The following NAALADL2 variants were observed in gnomAD, a reference collection of about 807,000 sequenced individuals.
The protein encoded by NAALADL2 is N-acetylated alpha-linked acidic dipeptidase like 2, also known as inactive N-acetylated-alpha-linked acidic dipeptidase-like protein 2.
A neutral mutation model predicts 87.2 loss-of-function variants in NAALADL2; 76 were observed. That is an observed-to-expected ratio of 0.87 (90% CI 0.72 to 1.05). NAALADL2 has a LOEUF of 1.05. Ranked by LOEUF, NAALADL2 falls within the 50% of genes least tolerant of loss-of-function variation. The pLI, the probability that NAALADL2 is intolerant of heterozygous loss-of-function variation, is 0.00. For synonymous variants in NAALADL2, 354 were observed against 331.0 expected (o/e 1.07, Z -0.75); for missense variants, 1,089 against 945.8 (o/e 1.15, Z -1.99).
chr3:175,555,090 A>C (rs2149498659), intron 9 of NAALADL2, among the ~76,000 whole-genome samples: 2 of 152,322 alleles, frequency 1.3e-5, no homozygotes, highest in Middle Eastern at 3.4e-3. Context: ...CTATGAGCCA[A>C]GACCCTATCT....
At chr3:175,545,997 A>C (rs941788006) in intron 9 of NAALADL2, among the ~76,000 whole-genome samples, 1 of 152,172 alleles carries the variant, frequency 6.6e-6, no homozygotes, top group African/African-American at 2.4e-5. Context: ...TGGTATTTTG[A>C]TAAGGTAAAT....
chr3:175,633,073 C>T (rs1728022520), intron 11 of NAALADL2, among the ~76,000 whole-genome samples: 1 of 151,890 alleles, frequency 6.6e-6, no homozygotes, highest in Non-Finnish European at 1.5e-5. Flanking sequence ...ATGAGACAGG[C>T]TAAAAGACCC....
At chr3:175,644,803 A>C (rs1036920203) in intron 11 of NAALADL2, among the ~76,000 whole-genome samples, 1 of 152,192 alleles carries the variant, frequency 6.6e-6, no homozygotes, top group South Asian at 2.1e-4. Context: ...ATTAAAATAA[A>C]TACATAGTTG....
At chr3:174,671,096 G>T (rs1726489820) in intron 2 of NAALADL2, among the ~76,000 whole-genome samples, 1 of 152,050 alleles carries the variant, frequency 6.6e-6, no homozygotes, top group African/African-American at 2.4e-5. Flanking sequence ...GCAGATGCCA[G>T]CGTCATGCTT....
chr3:174,638,696 T>A (rs1401303496), intron 2 of NAALADL2, among the ~76,000 whole-genome samples: 2 of 152,196 alleles, frequency 1.3e-5, no homozygotes, highest in Admixed American at 1.3e-4. Context: ...TATAAAAATA[T>A]GTTTTTGCAT....
chr3:174,870,532 G>A (rs976569938), intron 1 of NAALADL2, among the ~76,000 whole-genome samples: 2 of 151,870 alleles, frequency 1.3e-5, no homozygotes, highest in Admixed American at 6.6e-5. Context: ...TGGATAATCC[G>A]TGATTGACAT....
chr3:175,780,275 CA>C (rs541348455), intron 13 of NAALADL2, among the ~76,000 whole-genome samples: 134 of 126,196 alleles, frequency 1.1e-3, no homozygotes, highest in South Asian at 5.5e-3. Context: ...GACTCTGTCT[CA>C]AAAAAAAAAA....
chr3:175,218,028 G>A (rs1028378923), intron 2 of NAALADL2: 3 of 399,058 alleles, frequency 7.5e-6, no homozygotes, highest in African/African-American at 6.3e-5. Context: ...CAAATTTCTA[G>A]AAAGTATTGC....
At chr3:175,141,284 CT>C (rs369092956) in intron 2 of NAALADL2, among the ~76,000 whole-genome samples, 6 of 151,144 alleles carry the variant, frequency 4.0e-5, no homozygotes, top group Middle Eastern at 3.4e-3. Flanking sequence ...TTCATAGCTC[CT>C]TTTTTTTTCA....
intron 2 of NAALADL2, among the ~76,000 whole-genome samples, chr3:175,115,765 C>T (rs145325812): frequency 1.2e-3 from 181 of 151,478 alleles, no homozygotes; most frequent in African/African-American, 4.1e-3. Flanking sequence ...CAGATGAGAT[C>T]GAGCGCATTC....
intron 10 of NAALADL2, among the ~76,000 whole-genome samples, chr3:175,586,532 A>G (rs2149589058): frequency 6.6e-6 from 1 of 152,356 alleles, no homozygotes; most frequent in South Asian, 2.1e-4. Flanking sequence ...CAATAGCTAT[A>G]GCCTTGAAAT....
At chr3:175,708,475 T>C (rs1465320207) in intron 11 of NAALADL2, among the ~76,000 whole-genome samples, 1 of 152,070 alleles carries the variant, frequency 6.6e-6, no homozygotes, top group African/African-American at 2.4e-5. Context: ...ATTTGATTCA[T>C]TTAAAAATAT....
At chr3:175,087,741 A>C (rs1719307198) in intron 1 of NAALADL2, among the ~76,000 whole-genome samples, 1 of 151,928 alleles carries the variant, frequency 6.6e-6, no homozygotes, top group Admixed American at 6.6e-5. Context: ...CCACTCCCTA[A>C]TCTCAAGTAC....
At chr3:175,067,962 T>A (rs7628465) in intron 1 of NAALADL2, among the ~76,000 whole-genome samples, 3,821 of 152,172 alleles carry the variant, frequency 0.025, 135 homozygotes, top group African/African-American at 0.087. Flanking sequence ...CTGGAGGTCA[T>A]AATCCTAAGT....
At chr3:175,228,522 A>G (rs1282427391) in intron 2 of NAALADL2, among the ~76,000 whole-genome samples, 5 of 151,960 alleles carry the variant, frequency 3.3e-5, no homozygotes, top group Non-Finnish European at 7.4e-5. Flanking sequence ...GGAAAAAAAA[A>G]AAGTACTATG....
intron 2 of NAALADL2, among the ~76,000 whole-genome samples, chr3:174,584,249 C>T (rs56077193): frequency 0.026 from 3,939 of 151,942 alleles, 201 homozygotes; most frequent in African/African-American, 0.09. Context: ...TTTACTTTAT[C>T]CAGAAAACGT....
chr3:174,882,778 T>TAC (rs1560319507), intron 1 of NAALADL2, among the ~76,000 whole-genome samples: 3 of 129,418 alleles, frequency 2.3e-5, no homozygotes, highest in African/African-American at 8.8e-5. Context: ...CGTGTATATA[T>TAC]ACATATGTGT....
intron 9 of NAALADL2, among the ~76,000 whole-genome samples, chr3:175,568,842 A>C (rs914124188): frequency 3.3e-5 from 5 of 152,258 alleles, no homozygotes. Context: ...AAAAGTCAGC[A>C]AAGTGTCTCA....
chr3:175,349,123 C>T (rs769504099), intron 5 of NAALADL2, among the ~76,000 whole-genome samples: 4 of 150,968 alleles, frequency 2.6e-5, no homozygotes, highest in Non-Finnish European at 4.4e-5. Context: ...AACATGGCCC[C>T]CACCATCAGA....
Sources: gnomAD v4.1 joint callset for allele counts (sites outside exome capture counted in the v4.1 genomes callset) on GRCh38, gnomAD v4.1.1 for gene constraint, MANE v1.5 for transcripts, NCBI Gene and HGNC (gene_info 2026-07-23, HGNC 2026-07-21) for gene names.